SLC39A11: variants seen among roughly 807,000 people sequenced by gnomAD.
The protein encoded by SLC39A11 is zinc transporter ZIP11.
A neutral mutation model predicts 36.1 loss-of-function variants in SLC39A11; 33 were observed. That is an observed-to-expected ratio of 0.91 (90% CI 0.69 to 1.22). The LOEUF (loss-of-function observed/expected upper bound fraction) is 1.22, where lower values mean the gene tolerates loss of function less well. SLC39A11 is among the 50% of genes most tolerant of loss of function. The probability of loss-of-function intolerance (pLI) is 0.00; values close to 1 mark genes in which losing one functional copy is unlikely to be tolerated. For missense variants in SLC39A11, 432 were observed against 430.3 expected, an observed-to-expected ratio of 1.00 and a Z score of -0.03; for synonymous variants, 166 against 170.3, an observed-to-expected ratio of 0.97 and a Z score of 0.20.
At chr17:72,754,642 T>C (rs2075301252) in intron 6 of SLC39A11, among the ~76,000 whole-genome samples, 1 of 152,096 alleles carries the variant, frequency 6.6e-6, no homozygotes, top group Non-Finnish European at 1.5e-5. Context: ...GGCTCCCTCC[T>C]AAGCAGAAAC....
intron 4 of SLC39A11, among the ~76,000 whole-genome samples, chr17:72,995,865 A>G (rs146021990): frequency 2.7e-4 from 41 of 152,254 alleles, no homozygotes; most frequent in African/African-American, 8.7e-4. Context: ...CCCCCGCCCA[A>G]TGAATCCTGA....
intron 4 of SLC39A11, among the ~76,000 whole-genome samples, chr17:72,958,213 A>G (rs954868431): frequency 5.9e-5 from 9 of 152,322 alleles, no homozygotes; most frequent in African/African-American, 2.2e-4. Context: ...ACAAAAATCA[A>G]CTCAAGATGG....
At chr17:72,743,154 G>A (rs1170040445) in intron 6 of SLC39A11, among the ~76,000 whole-genome samples, 4 of 152,188 alleles carry the variant, frequency 2.6e-5, no homozygotes, top group Admixed American at 6.5e-5. Flanking sequence ...AGCACCCAGT[G>A]AGCAGATGAA....
At chr17:72,916,968 T>C (rs1015646319) in intron 5 of SLC39A11, among the ~76,000 whole-genome samples, 2 of 152,122 alleles carry the variant, frequency 1.3e-5, no homozygotes, top group African/African-American at 4.8e-5. Context: ...CATTTGCAAA[T>C]TAAAAGGAAG....
chr17:72,830,234 C>T (rs532774567), intron 6 of SLC39A11, among the ~76,000 whole-genome samples: 16 of 152,300 alleles, frequency 1.1e-4, no homozygotes, highest in African/African-American at 3.6e-4. Context: ...TCCTGGATAT[C>T]GCCCCCTCCA....
intron 5 of SLC39A11, among the ~76,000 whole-genome samples, chr17:72,865,400 A>G (rs2080250334): frequency 6.7e-6 from 1 of 148,920 alleles, no homozygotes; most frequent in Non-Finnish European, 1.5e-5. Flanking sequence ...CTCTGAAGAA[A>G]AAAACTGCTC....
At chr17:73,055,440 T>C (rs1465384536) in intron 3 of SLC39A11, among the ~76,000 whole-genome samples, 9 of 147,112 alleles carry the variant, frequency 6.1e-5, no homozygotes. Flanking sequence ...TTTTTTTTCT[T>C]TTTTTTTTTT....
chr17:72,813,899 C>T (rs1568133982), intron 6 of SLC39A11, among the ~76,000 whole-genome samples: 1 of 152,146 alleles, frequency 6.6e-6, no homozygotes, highest in African/African-American at 2.4e-5. Flanking sequence ...TGTGAAGCAA[C>T]ATTTAAAACG....
intron 5 of SLC39A11, among the ~76,000 whole-genome samples, chr17:72,872,360 G>A (rs187467651): frequency 9.9e-5 from 15 of 152,160 alleles, no homozygotes; most frequent in African/African-American, 3.1e-4. Flanking sequence ...GGGCCAGATG[G>A]GTACAAACCA....
At chr17:73,037,352 T>C (rs1003242651) in intron 3 of SLC39A11, among the ~76,000 whole-genome samples, 1 of 152,200 alleles carries the variant, frequency 6.6e-6, no homozygotes, top group Non-Finnish European at 1.5e-5. Flanking sequence ...CTCCTTTATA[T>C]GTTAGGCATT....
At chr17:72,828,180 T>C (rs2078111252) in intron 6 of SLC39A11, among the ~76,000 whole-genome samples, 1 of 152,228 alleles carries the variant, frequency 6.6e-6, no homozygotes, top group African/African-American at 2.4e-5. Flanking sequence ...CCGTGTGGCA[T>C]GGCAGGGAAA....
intron 5 of SLC39A11, among the ~76,000 whole-genome samples, chr17:72,862,664 C>G (rs1006492451): frequency 1.3e-5 from 2 of 152,072 alleles, no homozygotes; most frequent in African/African-American, 4.8e-5. Flanking sequence ...GCAGACATGT[C>G]TTGCTGAAAA....
At chr17:73,087,224 G>A (rs2060764088) in intron 2 of SLC39A11, among the ~76,000 whole-genome samples, 1 of 152,138 alleles carries the variant, frequency 6.6e-6, no homozygotes, top group South Asian at 2.1e-4. Context: ...GATAAACCAT[G>A]TTTCTGGATT....
At chr17:72,999,018 C>T (rs1477575615) in intron 4 of SLC39A11, among the ~76,000 whole-genome samples, 1 of 152,120 alleles carries the variant, frequency 6.6e-6, no homozygotes, top group Non-Finnish European at 1.5e-5. Context: ...AGAACAATGA[C>T]CAGGACAAGG....
chr17:72,915,729 G>A (rs764831895), intron 5 of SLC39A11, among the ~76,000 whole-genome samples: 3 of 152,168 alleles, frequency 2.0e-5, no homozygotes, highest in Admixed American at 6.5e-5. Context: ...CACAAACCAG[G>A]GGCCCAGATG....
At chr17:72,781,458 C>CTA (rs1465012108) in intron 6 of SLC39A11, among the ~76,000 whole-genome samples, 3 of 150,398 alleles carry the variant, frequency 2.0e-5, no homozygotes, top group Non-Finnish European at 2.9e-5. Context: ...GAGTCTCGCT[C>CTA]TATCGCCCAG....
chr17:72,751,288 A>G (rs1331733424), intron 6 of SLC39A11, among the ~76,000 whole-genome samples: 1 of 152,148 alleles, frequency 6.6e-6, no homozygotes, highest in Non-Finnish European at 1.5e-5. Flanking sequence ...GTGCTAACAT[A>G]TGATTATATA....
At chr17:72,972,954 G>A (rs916260629) in intron 4 of SLC39A11, among the ~76,000 whole-genome samples, 1 of 151,858 alleles carries the variant, frequency 6.6e-6, no homozygotes, top group African/African-American at 2.4e-5. Context: ...GAAGGAAAAG[G>A]ATGCTGTGGG....
chr17:72,905,653 G>C (rs370714361), intron 5 of SLC39A11, among the ~76,000 whole-genome samples: 1 of 151,782 alleles, frequency 6.6e-6, no homozygotes, highest in Non-Finnish European at 1.5e-5. Context: ...GTGCAGTGGC[G>C]CAATCTCAGC....
Sources: allele counts gnomAD v4.1 joint callset (sites outside exome capture counted in the v4.1 genomes callset), GRCh38; gene constraint gnomAD v4.1.1; transcripts MANE v1.5; gene names NCBI Gene and HGNC (gene_info 2026-07-23, HGNC 2026-07-21).